Variants in GCN1 observed in about 807,000 individuals in gnomAD.
GCN1 encodes the protein GCN1 activator of EIF2AK4, also known as stalled ribosome sensor GCN1.
GCN1 carries 90 observed loss-of-function variants against 288.4 expected under a neutral mutation model. The observed-to-expected ratio is 0.31, with a 90% CI of 0.26 to 0.37. The LOEUF is 0.37. GCN1 is among the 10% of genes least tolerant of loss of function. The probability of loss-of-function intolerance (pLI) is 1.00; values close to 1 mark genes in which losing one functional copy is unlikely to be tolerated. For synonymous variants in GCN1, 1,386 were observed against 1,420.2 expected (o/e 0.98, Z 0.54); for missense variants, 2,586 against 3,419.9 (o/e 0.76, Z 6.08).
chr12:120,153,955 T>G lies in GCN1; in HGVS notation c.3702-46A>C. ...CATCAGGAGGGGCAGTCAGGGGGCCTCCTCTGCCAGTGGAACCTCTGCTGG... is the reference window on the plus strand; with the variant it reads ...CATCAGGAGGGGCAGTCAGGGGGCCGCCTCTGCCAGTGGAACCTCTGCTGG... On this transcript the variant is annotated intron_variant, in intron 31 of 57. Coordinates refer to ENST00000300648, the MANE Select transcript of GCN1 (RefSeq NM_006836.2). The surrounding 1 kb of genome is among the most constrained non-coding windows in gnomAD (Gnocchi z 4.4). 6.5e-7 allele frequency: 1 copy of G among 1,549,124 alleles called. No individual in the cohort carries two copies. The highest frequency in any genetic ancestry group is 1.4e-5 in the African/African-American group (1 of 73,882).
intron 5 of GCN1, among the ~76,000 whole-genome samples, chr12:120,182,953 C>T: frequency 7.2e-6 from 1 of 138,704 alleles, no homozygotes; most frequent in East Asian, 2.4e-4. Flanking sequence ...AAAAAAAAAA[C>T]TACTCCTCAT....
chr12:120,178,112 C>T (rs1278665961), intron 7 of GCN1, among the ~76,000 whole-genome samples: 1 of 152,178 alleles, frequency 6.6e-6, no homozygotes, highest in East Asian at 1.9e-4. Context: ...CTTGACCTTG[C>T]TAATTCCTCT....
Position 120,156,464 on chromosome 12 carries a change from G to C in GCN1, c.3309C>G (p.Leu1103=), listed in dbSNP as rs762503479. The C allele has an allele frequency of 6.2e-7, 1 of 1,613,634 alleles. No individual in the cohort carries two copies. Among genetic ancestry groups the C allele is most frequent in the Non-Finnish European group, 8.5e-7 (1 of 1,179,910 alleles). The change falls in exon 28 of 58, where the codon CTC becomes CTG. Residue 1103 remains leucine (L), a synonymous_variant. Transcript: ENST00000300648. This position sits in a 1 kb window ranked among gnomAD's most constrained non-coding sequence, Gnocchi z 5.8. ...GGCTCTGAGACTGAGCACACACCCG[G>C]AGCACGGTTTCCCGCACGCTGGCAC... The part of the protein sequence containing the change: ...SPCASVRETV[L]RGLMELHMVL...
chr12:120,171,056 G>A (rs1032498483), intron 14 of GCN1, among the ~76,000 whole-genome samples: 4 of 150,466 alleles, frequency 2.7e-5, no homozygotes, highest in African/African-American at 4.9e-5. Flanking sequence ...CAGGAGAATC[G>A]CTTGAACCCA....
At position 120,177,566 on chromosome 12, in the gene GCN1, AAAG is replaced by A; in HGVS notation, c.730-14_730-12del. On this transcript the variant is annotated splice_polypyrimidine_tract_variant and intron_variant, in intron 8 of 57. Coordinates refer to ENST00000300648, the MANE Select transcript of GCN1 (RefSeq NM_006836.2). Reference sequence around the variant, plus strand: ...AGGGGCACAGCTATCCTACAAAGAAAAAGGAATAAGGCACCTAGCCCTCATGGG... The same window carrying A: ...AGGGGCACAGCTATCCTACAAAGAAAGAATAAGGCACCTAGCCCTCATGGG... 6.3e-7 allele frequency: 1 copy of A among 1,590,340 alleles called. No homozygotes were observed. Among genetic ancestry groups the A allele is most frequent in the Non-Finnish European group, 8.6e-7 (1 of 1,158,396 alleles).
Position 120,161,592 on chromosome 12 carries a change from C to T in GCN1, c.2343-9G>A. 3.1e-6 allele frequency: 5 copies of T among 1,600,216 alleles called. No individual in the cohort carries two copies. The highest frequency in any genetic ancestry group is 4.3e-6 in the Non-Finnish European group (5 of 1,167,488). On this transcript the variant is annotated splice_polypyrimidine_tract_variant and intron_variant, in intron 21 of 57. Transcript: ENST00000300648. ...TGCTGTCCTGCTGGGCACTGAAACACCAGAGTGGGTCATCAGCCAGCTTGA... is the reference window on the plus strand; with the variant it reads ...TGCTGTCCTGCTGGGCACTGAAACATCAGAGTGGGTCATCAGCCAGCTTGA...
chr12:120,186,071 C>G lies in GCN1; in HGVS notation c.122-1184G>C, dbSNP rs149612546. Reference sequence around the variant, plus strand: ...CAATATGGCTGGGGGCAGTGGCTCACGCCTGTAATCCCAGCACTTTGGGAG... The same window carrying G: ...CAATATGGCTGGGGGCAGTGGCTCAGGCCTGTAATCCCAGCACTTTGGGAG... On this transcript the variant is annotated intron_variant, in intron 2 of 57. Transcript: ENST00000300648. 6.1e-3 allele frequency among the ~76,000 whole-genome samples: 923 copies of G among 152,104 alleles called. 8 individuals carry two copies. The highest frequency in any genetic ancestry group is 0.021 in the African/African-American group (885 of 41,522).
rs751754195 is a variant in GCN1 at position 120,138,032 on chromosome 12, G to GTGGCGTTGTCAGC, written c.6250-1_6261dup (p.Pro2088AlafsTer20). 1 of 1,613,130 alleles carries GTGGCGTTGTCAGC rather than the reference G, an allele frequency of 6.2e-7. No homozygotes were observed. On this transcript the variant is annotated frameshift_variant, in exon 48 of 58. Coordinates refer to ENST00000300648, the MANE Select transcript of GCN1 (RefSeq NM_006836.2). LOFTEE classifies it high-confidence loss of function. ...AAAGCCAGCACCCGGGTGTTGACAG[G>GTGGCGTTGTCAGC]TGGCGTTGTCAGCTGGTGGAATGAC...
chr12:120,158,297 C>T lies in GCN1; in HGVS notation c.2905+163G>A, dbSNP rs1429885465. 6.6e-6 allele frequency among the ~76,000 whole-genome samples: 1 copy of T among 152,222 alleles called. No individual in the cohort carries two copies. The highest frequency in any genetic ancestry group is 1.5e-5 in the Non-Finnish European group (1 of 68,038). On this transcript the variant is annotated intron_variant, in intron 25 of 57. Coordinates refer to ENST00000300648, the MANE Select transcript of GCN1 (RefSeq NM_006836.2). This position sits in a 1 kb window ranked among gnomAD's most constrained non-coding sequence, Gnocchi z 4.3. ...CCAGTGACAAAAAGTAAACCCTCAA[C>T]TGGGCTCACTGCAATTCACAGACTA...
chr12:120,154,595 T>C (rs889983062), intron 31 of GCN1, among the ~76,000 whole-genome samples: 11 of 152,178 alleles, frequency 7.2e-5, no homozygotes, highest in African/African-American at 2.7e-4. Context: ...TGCATATAGA[T>C]GAGGAAACAG....
At chr12:120,165,259 T>C (rs1878084724) in intron 16 of GCN1, among the ~76,000 whole-genome samples, 1 of 151,930 alleles carries the variant, frequency 6.6e-6, no homozygotes, top group African/African-American at 2.4e-5. Flanking sequence ...ATGGTCTCGA[T>C]CTCCTGGCCT....
intron 12 of GCN1, among the ~76,000 whole-genome samples, chr12:120,174,704 T>C (rs1228675338): frequency 6.6e-6 from 1 of 150,842 alleles, no homozygotes; most frequent in African/African-American, 2.4e-5. Context: ...GGCAGGAGGA[T>C]TGCTTGAACC....
At position 120,134,637 on chromosome 12, in the gene GCN1, C is replaced by T; in HGVS notation, c.7098G>A (p.Lys2366=). 6.2e-7 allele frequency: 1 copy of T among 1,614,032 alleles called. No homozygotes were observed. Residue 2366 remains lysine, a synonymous_variant, in exon 52 of 58, where the codon AAG becomes AAA. Coordinates refer to ENST00000300648, the MANE Select transcript of GCN1 (RefSeq NM_006836.2). The surrounding 1 kb of genome is among the most constrained non-coding windows in gnomAD (Gnocchi z 5.0). ...LQDSNRGVRL[K]AADALGKLIS... The stretch of plus-strand genomic sequence containing the variant: ...TGAGCTTCCCCAGAGCATCTGCGGC[C>T]TTCAGGCGCACCCCCCGGTTGGAGT...
Position 120,155,433 on chromosome 12 carries a change from G to A in GCN1, c.3441-3C>T. The A allele has an allele frequency of 1.2e-6, 2 of 1,612,610 alleles. No homozygotes were observed. Among genetic ancestry groups the A allele is most frequent in the Non-Finnish European group, 1.7e-6 (2 of 1,179,136 alleles). On this transcript the variant is annotated splice_region_variant and splice_polypyrimidine_tract_variant and intron_variant, in intron 29 of 57. Transcript: ENST00000300648. The surrounding 1 kb of genome is among the most constrained non-coding windows in gnomAD (Gnocchi z 4.9). Reference sequence around the variant, plus strand: ...CTAGGCCCATCATTGACCAGAGCCTGTGGGAGATCCAAGGCAGGGGCTGCT... The same window carrying A: ...CTAGGCCCATCATTGACCAGAGCCTATGGGAGATCCAAGGCAGGGGCTGCT...
intron 14 of GCN1, among the ~76,000 whole-genome samples, chr12:120,173,266 T>G (rs1473451450): frequency 6.6e-6 from 1 of 151,590 alleles, no homozygotes; most frequent in South Asian, 2.1e-4. Context: ...CATGTTGGTC[T>G]TGAACTCCTG....
rs905256071 is a variant in GCN1 at position 120,149,768 on chromosome 12, G to C, written c.4432-48C>G. ...TCAGGGGCCTCCTCACCCAAGCAAG[G>C]GGCAAGGCCTGACACCAGTCCTAGC... On this transcript the variant is annotated intron_variant, in intron 35 of 57. Transcript: ENST00000300648. 3.9e-6 allele frequency: 6 copies of C among 1,557,950 alleles called. No individual in the cohort carries two copies. The East Asian group carries it at 6.7e-5, about 17-fold the overall frequency.
At chr12:120,128,929 T>C (rs1209518849) in intron 57 of GCN1, among the ~76,000 whole-genome samples, 1 of 143,468 alleles carries the variant, frequency 7.0e-6, no homozygotes, top group South Asian at 2.3e-4. Flanking sequence ...GCAACCTCCG[T>C]CTCCTGGGTT....
Position 120,153,509 on chromosome 12 carries a change from C to A in GCN1, c.3868-102G>T. 9.1e-7 allele frequency: 1 copy of A among 1,103,042 alleles called. No homozygotes were observed. The highest frequency in any genetic ancestry group is 1.3e-6 in the Non-Finnish European group (1 of 769,440). 68.3% of individuals were successfully genotyped at this position (1,103,042 alleles called of 1,614,324 possible). A position where few individuals can be genotyped will look rare whatever the true frequency, so the allele number is the denominator to read the frequency against. Reference sequence around the variant, plus strand: ...ACCAAGACCAAGTCTAGCTCTGGGACAGGCATCCTGACATGCCAGCCAGTG... The same window carrying A: ...ACCAAGACCAAGTCTAGCTCTGGGAAAGGCATCCTGACATGCCAGCCAGTG... On this transcript the variant is annotated intron_variant, in intron 32 of 57. Transcript: ENST00000300648. The surrounding 1 kb of genome is among the most constrained non-coding windows in gnomAD (Gnocchi z 4.4).
chr12:120,176,264 T>G (rs962811769), intron 9 of GCN1, 47 bp from the exon 10 acceptor site: 26 of 1,270,536 alleles, frequency 2.0e-5, no homozygotes, highest in African/African-American at 2.9e-5. Context: ...AGCAATAAAT[T>G]CAACAGATAA....
Sources: allele counts gnomAD v4.1 joint callset (sites outside exome capture counted in the v4.1 genomes callset), GRCh38; gene constraint gnomAD v4.1.1; non-coding constraint Gnocchi (gnomAD v3.1); transcripts MANE v1.5; gene names NCBI Gene and HGNC (gene_info 2026-07-23, HGNC 2026-07-21).